The following GBP1 variants were observed in gnomAD, a reference collection of about 807,000 sequenced individuals.
The protein encoded by GBP1 is guanylate-binding protein 1.
GBP1 carries 64 observed loss-of-function variants against 69.5 expected under a neutral mutation model. That is an observed-to-expected ratio of 0.92 (90% CI 0.75 to 1.13). GBP1 has a LOEUF of 1.13. Ranked by LOEUF, GBP1 falls within the 50% of genes most tolerant of loss-of-function variation. GBP1 has a pLI of 0.00. For missense variants in GBP1, 630 were observed against 704.1 expected, an observed-to-expected ratio of 0.89 and a Z score of 1.19; for synonymous variants, 250 against 261.2, an observed-to-expected ratio of 0.96 and a Z score of 0.41.
rs1399101515 is a variant in GBP1, at chr1:89,060,382, T to C, written c.191-58A>G. On this transcript the variant is annotated intron_variant, in intron 2 of 10. Transcript: ENST00000370473. ...TTTAGTAACAGGCAGTTCTGGCAAT[T>C]GAAGGAAAAAGTAGTATATTTAAGG... 6 of 1,440,370 alleles carry C rather than the reference T, an allele frequency of 4.2e-6. 1 individual carries two copies. The African/African-American group carries it at 5.8e-5, about 14-fold the overall frequency. The allele number at this position is 1,440,370 out of a possible 1,614,324, so 89.2% of individuals were successfully genotyped here.
At chr1:89,053,714 G>A (rs1477987363) in intron 10 of GBP1, among the ~76,000 whole-genome samples, 1 of 152,204 alleles carries the variant, frequency 6.6e-6, no homozygotes. Flanking sequence ...TCATGGATTA[G>A]GAAATTTGGT....
At chr1:89,059,996 A>C (rs1328227) in intron 3 of GBP1, among the ~76,000 whole-genome samples, 10 of 152,130 alleles carry the variant, frequency 6.6e-5, no homozygotes, top group Admixed American at 5.9e-4. Context: ...ACAAAGTCAC[A>C]TGGCTTTAGC....
intron 1 of GBP1, among the ~76,000 whole-genome samples, 192 bp downstream of exon 1, chr1:89,064,968 T>G (rs1300938157): frequency 2.6e-5 from 4 of 152,214 alleles, no homozygotes; most frequent in African/African-American, 9.6e-5. Flanking sequence ...ACACCAGGAT[T>G]TCATCTGACC....
At position 89,053,361 on chromosome 1, in the gene GBP1, T is replaced by G. The variant is rs1041766923; in HGVS notation, c.1773A>C (p.Ile591=). Residue 591 remains isoleucine, a synonymous_variant, in exon 11 of 11, where the codon ATA becomes ATC. Coordinates refer to ENST00000370473, the MANE Select transcript of GBP1 (RefSeq NM_002053.3). ...GACAGGAAGGCTCTGGTCTTTAGCT[T>G]ATGGTACATGCCTTTCGTCGTCTCA... The part of the protein sequence containing the change: ...TKMRRRKACT[I]S The G allele has an allele frequency of 3.7e-6, 6 of 1,612,552 alleles. No homozygotes were observed. The African/African-American group carries it at 8.0e-5, about 22-fold the overall frequency.
chr1:89,060,329 A>G lies in GBP1; in HGVS notation c.191-5T>C. 6.3e-7 allele frequency: 1 copy of G among 1,578,972 alleles called. No homozygotes were observed. The highest frequency in any genetic ancestry group is 8.6e-7 in the Non-Finnish European group (1 of 1,164,276). Reference sequence around the variant, plus strand: ...CCGTGGAGCCCAGAGAGAAGCCTGCAAGGGAGAGAGGAGACCAGCGATGGG... The same window carrying G: ...CCGTGGAGCCCAGAGAGAAGCCTGCGAGGGAGAGAGGAGACCAGCGATGGG... On this transcript the variant is annotated splice_polypyrimidine_tract_variant and splice_region_variant and intron_variant, in intron 2 of 10. Transcript: ENST00000370473.
At chr1:89,062,721 CTG>C in intron 2 of GBP1, 1 of 225,500 alleles carries the variant, frequency 4.4e-6, no homozygotes, top group Admixed American at 5.1e-5. Flanking sequence ...ACTGTGAACT[CTG>C]TTATTGCATA....
At chr1:89,058,693 T>C (rs1041682610) in intron 5 of GBP1, 148 bp downstream of exon 5, 9 of 743,026 alleles carry the variant, frequency 1.2e-5, no homozygotes, top group Non-Finnish European at 1.3e-5. Context: ...ATCTATTAAT[T>C]TGGATATTCA....
intron 1 of GBP1, among the ~76,000 whole-genome samples, chr1:89,064,200 TGTGTGTGTGTGTGTG>T: frequency 3.3e-5 from 1 of 30,592 alleles, no homozygotes; most frequent in Non-Finnish European, 8.6e-5. Context: ...GGGCTGGGAA[TGTGTGTGTGTGTGTG>T]TGTGTGTGTG....
Position 89,056,145 on chromosome 1 carries a change from G to A in GBP1, c.1239C>T (p.Val413=). 6.2e-7 allele frequency: 1 copy of A among 1,613,950 alleles called. No individual in the cohort carries two copies. Among genetic ancestry groups the A allele is most frequent in the Non-Finnish European group, 8.5e-7 (1 of 1,179,854 alleles). Residue 413 remains valine, a synonymous_variant, in exon 8 of 11, where the codon GTC becomes GTT. Coordinates refer to ENST00000370473, the MANE Select transcript of GBP1 (RefSeq NM_002053.3). ...SSDRCSALLQ[V]IFSPLEEEVK... is the part of the protein sequence containing the mutation. ...CTTCTTCTTCTAGAGGACTGAAAAT[G>A]ACCTGAAGTAAAGCTGAGCAACGAT...
intron 1 of GBP1, among the ~76,000 whole-genome samples, chr1:89,064,305 G>A (rs1381870720): frequency 6.7e-6 from 1 of 149,884 alleles, no homozygotes; most frequent in African/African-American, 2.5e-5. Context: ...GATGAATGAG[G>A]CTAGTGTCTT....
At chr1:89,064,236 T>TGA (rs1373945831) in intron 1 of GBP1, among the ~76,000 whole-genome samples, 8 of 117,414 alleles carry the variant, frequency 6.8e-5, no homozygotes, top group African/African-American at 2.0e-4. Flanking sequence ...TGTGTGTGTG[T>TGA]GTGTGAGAGA....
intron 4 of GBP1, 92 bp downstream of exon 4, chr1:89,059,225 C>A: frequency 6.2e-7 from 1 of 1,613,138 alleles, no homozygotes; most frequent in South Asian, 1.1e-5. Flanking sequence ...TCCTTTTGAG[C>A]TTGATTCATC....
At chr1:89,057,264 G>C (rs768478365) in intron 6 of GBP1, 130 bp from the exon 7 acceptor site, 4 of 1,277,440 alleles carry the variant, frequency 3.1e-6, no homozygotes, top group Non-Finnish European at 4.3e-6. Context: ...TTGGAAGCTT[G>C]CTGGAAATAG....
chr1:89,064,276 G>A (rs1680280810), intron 1 of GBP1, among the ~76,000 whole-genome samples: 1 of 134,214 alleles, frequency 7.5e-6, no homozygotes, highest in Non-Finnish European at 1.6e-5. Context: ...AGAGAGAGAG[G>A]AGCTGTCAGA....
intron 5 of GBP1, chr1:89,058,623 A>G: frequency 1.6e-6 from 1 of 616,058 alleles, no homozygotes; most frequent in Non-Finnish European, 2.8e-6. Flanking sequence ...CACAGCATAC[A>G]CAAAGGTGAA....
rs1679950678 is a variant in GBP1, at chr1:89,052,844, G to A, written c.*511C>T. ...AAGAGATTCTAGATCTCTGTATAAGGTGGTTTGCTTTAGCTTGAAATCATC... is the reference window on the plus strand; with the variant it reads ...AAGAGATTCTAGATCTCTGTATAAGATGGTTTGCTTTAGCTTGAAATCATC... On this transcript the variant is annotated 3_prime_UTR_variant, in exon 11 of 11. Coordinates refer to ENST00000370473, the MANE Select transcript of GBP1 (RefSeq NM_002053.3). The A allele has an allele frequency of 2.0e-5, 3 of 152,250 alleles. No homozygotes were observed. The South Asian group carries it at 6.2e-4, about 32-fold the overall frequency. 9.4% of individuals were successfully genotyped at this position (152,250 alleles called of 1,614,324 possible). A position where few individuals can be genotyped will look rare whatever the true frequency, so the allele number is the denominator to read the frequency against.
rs755646724 is a variant in GBP1 at position 89,056,219 on chromosome 1, C to G, written c.1165G>C (p.Glu389Gln). 6.2e-7 allele frequency: 1 copy of G among 1,613,886 alleles called. No homozygotes were observed. The highest frequency in any genetic ancestry group is 1.3e-5 in the African/African-American group (1 of 75,012). The change falls in exon 8 of 11, where the codon GAA becomes CAA. Residue 389 changes from glutamate (E) to glutamine (Q), a missense_variant. Around this residue, in one of 5 missense-constraint regions of GBP1, gnomAD observed 367 missense variants for 369.5 expected, o/e 0.99. Transcript: ENST00000370473. ...LFQKELAAQL[E>Q]KKRDDFCKQN... The stretch of plus-strand genomic sequence containing the variant: ...TTACAAAAGTCATCCCGCTTTTTTT[C>G]TAGCTGGGCCTTTAATGTAAAAATA...
At position 89,056,101 on chromosome 1, in the gene GBP1, G is replaced by A. The variant is rs1230294539; in HGVS notation, c.1283C>T (p.Ser428Leu). Reference protein sequence around the residue: ...LEEEVKAGIYSKPGGYRLFVQ... With the variant: ...LEEEVKAGIYLKPGGYRLFVQ... ...AAAGAGACGATAGCCCCCTGGTTTC[G>A]AATAAATTCCCGCCTTCACTTCTTC... is the stretch of plus-strand genomic sequence containing the variant. Residue 428 changes from serine (S) to leucine (L), a missense_variant, in exon 8 of 11, where the codon TCG becomes TTG. Around this residue, in one of 5 missense-constraint regions of GBP1, gnomAD observed 367 missense variants for 369.5 expected, o/e 0.99. Transcript: ENST00000370473. 6 of 1,613,834 alleles carry A rather than the reference G, an allele frequency of 3.7e-6. No homozygotes were observed. The highest frequency in any genetic ancestry group is 2.2e-5 in the East Asian group (1 of 44,866).
At chr1:89,055,298 C>A (rs556959411) in intron 8 of GBP1, 83 bp from the exon 9 acceptor site, 1 of 1,586,862 alleles carries the variant, frequency 6.3e-7, no homozygotes, top group Non-Finnish European at 8.6e-7. Context: ...CATCCTTTCT[C>A]CTCTGGGAAT....
Sources: allele counts gnomAD v4.1 joint callset (sites outside exome capture counted in the v4.1 genomes callset), GRCh38; gene constraint gnomAD v4.1.1; regional missense constraint gnomAD v4.1.1; transcripts MANE v1.5; gene names NCBI Gene and HGNC (gene_info 2026-07-23, HGNC 2026-07-21).